The following LAMB4 variants were observed in gnomAD, a reference collection of about 807,000 sequenced individuals.
LAMB4 encodes laminin subunit beta 4.
LAMB4 carries 196 observed loss-of-function variants against 199.2 expected under a neutral mutation model. That is an observed-to-expected ratio of 0.98 (90% confidence interval 0.88 to 1.11). LAMB4 has a LOEUF of 1.11. Among genes scored for constraint, LAMB4 ranks in the 50% least tolerant of loss-of-function variants. The probability of loss-of-function intolerance (pLI) is 0.00; values close to 1 mark genes in which losing one functional copy is unlikely to be tolerated. For missense variants in LAMB4, 2,080 were observed against 2,171.2 expected, an observed-to-expected ratio of 0.96 and a Z score of 0.83; for synonymous variants, 744 against 770.6, an observed-to-expected ratio of 0.97 and a Z score of 0.57.
At chr7:108,042,619 G>A (rs1316145968) in intron 29 of LAMB4, among the ~76,000 whole-genome samples, 4 of 151,924 alleles carry the variant, frequency 2.6e-5, no homozygotes, top group African/African-American at 9.7e-5. Context: ...TACCCCATTC[G>A]TTTTTACTGA....
rs768569877 is a variant in LAMB4, at chr7:108,052,119, A to G, written c.3894T>C (p.Ser1298=). 6.2e-7 allele frequency: 1 copy of G among 1,610,766 alleles called. No homozygotes were observed. The highest frequency in any genetic ancestry group is 2.2e-5 in the East Asian group (1 of 44,830). Residue 1298 remains serine, a synonymous_variant, in exon 26 of 34, where the codon AGT becomes AGC. Coordinates refer to ENST00000388781, the MANE Select transcript of LAMB4 (RefSeq NM_007356.3). The part of the protein sequence containing the change: ...DLQEEIDLQS[S]VLNASIADSS... The stretch of plus-strand genomic sequence containing the variant: ...TACCCGCAATGCTTGCATTAAGGAC[A>G]CTGGATTGCAAATCAATTTCTTCCT...
chr7:108,018,024 T>C, the LAMB4 span, among the ~76,000 whole-genome samples: 11 of 152,214 alleles, frequency 7.2e-5, no homozygotes, highest in Admixed American at 2.0e-4. Context: ...ACTGTGCCCA[T>C]GCAGCAGGGC....
At chr7:108,028,607 G>A (rs1283697886) in intron 33 of LAMB4, among the ~76,000 whole-genome samples, 1 of 150,964 alleles carries the variant, frequency 6.6e-6, no homozygotes, top group Non-Finnish European at 1.5e-5. Context: ...CTCCCAAGTA[G>A]CTGGGATTAC....
downstream of LAMB4, among the ~76,000 whole-genome samples, chr7:108,018,911 C>G (rs1034962331): frequency 6.6e-6 from 1 of 152,140 alleles, no homozygotes; most frequent in African/African-American, 2.4e-5. Context: ...AGGTGTGTCC[C>G]GTGTTTCCTG....
At chr7:108,099,613 T>C (rs1037800799) in intron 10 of LAMB4, among the ~76,000 whole-genome samples, 3 of 152,252 alleles carry the variant, frequency 2.0e-5, no homozygotes, top group African/African-American at 7.2e-5. Context: ...TTTGTGGTTC[T>C]GTGTTTCCAT....
intron 30 of LAMB4, 87 bp downstream of exon 30, chr7:108,037,301 C>T (rs2035263685): frequency 2.9e-6 from 3 of 1,022,136 alleles, no homozygotes; most frequent in Non-Finnish European, 4.5e-6. Flanking sequence ...CATTTGAATG[C>T]TATAGATCCC....
chr7:108,070,376 G>A (rs1170436733), intron 17 of LAMB4, among the ~76,000 whole-genome samples: 1 of 152,140 alleles, frequency 6.6e-6, no homozygotes, highest in African/African-American at 2.4e-5. Flanking sequence ...ACACCCAGCT[G>A]GTGGCATCAC....
downstream of LAMB4, among the ~76,000 whole-genome samples, chr7:108,020,807 G>C (rs1194322061): frequency 6.6e-6 from 1 of 152,160 alleles, no homozygotes; most frequent in Non-Finnish European, 1.5e-5. Flanking sequence ...GTTTTTACTC[G>C]ATAATATAAT....
chr7:108,129,440 A>G (rs2038905644), intron 1 of LAMB4, among the ~76,000 whole-genome samples: 1 of 151,968 alleles, frequency 6.6e-6, no homozygotes, highest in Non-Finnish European at 1.5e-5. Flanking sequence ...CCTTTGTCTA[A>G]CTTTTTTTCA....
chr7:108,062,571 C>A (rs896685800), intron 23 of LAMB4: 2 of 365,006 alleles, frequency 5.5e-6, no homozygotes, highest in Non-Finnish European at 9.7e-6. Context: ...CTGAAGTAGG[C>A]GAAGCTGAAC....
At chr7:108,127,828 G>A (rs1197267193) in intron 1 of LAMB4, among the ~76,000 whole-genome samples, 2 of 152,184 alleles carry the variant, frequency 1.3e-5, no homozygotes, top group African/African-American at 4.8e-5. Flanking sequence ...TCGTGTTGGG[G>A]TGAGTACAGG....
intron 14 of LAMB4, among the ~76,000 whole-genome samples, chr7:108,088,600 A>G (rs2037278738): frequency 6.6e-6 from 1 of 152,216 alleles, no homozygotes; most frequent in Admixed American, 6.5e-5. Context: ...TGCAGTTAGA[A>G]TGTTGAAACA....
At chr7:108,030,146 ATC>A (rs1023412891) in intron 32 of LAMB4, among the ~76,000 whole-genome samples, 9 of 152,058 alleles carry the variant, frequency 5.9e-5, no homozygotes, top group African/African-American at 2.2e-4. Flanking sequence ...ACTTTTCTCA[ATC>A]TCTGTTCCAC....
Position 108,047,968 on chromosome 7 carries a change from G to A in LAMB4, c.4266C>T (p.Ala1422=), listed in dbSNP as rs1264935889. 4 of 1,613,948 alleles carry A rather than the reference G, an allele frequency of 2.5e-6. No homozygotes were observed. The highest frequency in any genetic ancestry group is 3.4e-6 in the Non-Finnish European group (4 of 1,180,030). The part of the protein sequence containing the change: ...LTLSTNALQK[A]QEAKSIIRNL... Reference sequence around the variant, plus strand: ...TACGAATAATGGATTTTGCTTCCTGGGCTTTTTGGAGGGCATTCGTTGAGA... The same window carrying A: ...TACGAATAATGGATTTTGCTTCCTGAGCTTTTTGGAGGGCATTCGTTGAGA... Residue 1422 remains alanine (A), a synonymous_variant, in exon 28 of 34, where the codon GCC becomes GCT. Transcript: ENST00000388781.
chr7:108,080,936 A>G (rs996386007), intron 14 of LAMB4, among the ~76,000 whole-genome samples: 5 of 152,114 alleles, frequency 3.3e-5, no homozygotes, highest in Non-Finnish European at 7.4e-5. Flanking sequence ...AGCCTGGCCA[A>G]CATGGTGAAA....
Position 108,063,725 on chromosome 7 carries a change from C to G in LAMB4, c.3061+36G>C, listed in dbSNP as rs143352322. 4,646 of 1,539,180 alleles carry G rather than the reference C, an allele frequency of 3.0e-3. 10 individuals are homozygous for G. The highest frequency in any genetic ancestry group is 3.8e-3 in the Non-Finnish European group (4,237 of 1,112,234). ...AACACACTTATGAGCTGTCACTCAG[C>G]TGACACATTTCCCCCTGGGAGTTTT... is the stretch of plus-strand genomic sequence containing the variant. On this transcript the variant is annotated intron_variant, in intron 22 of 33. Transcript: ENST00000388781.
chr7:108,085,678 A>G (rs563939416), intron 14 of LAMB4, among the ~76,000 whole-genome samples: 17 of 152,082 alleles, frequency 1.1e-4, no homozygotes, highest in African/African-American at 2.4e-4. Context: ...CAGTGGCACA[A>G]TCTTGGCTCA....
intron 1 of LAMB4, among the ~76,000 whole-genome samples, chr7:108,128,751 T>G (rs1405694168): frequency 6.6e-6 from 1 of 152,204 alleles, no homozygotes; most frequent in East Asian, 1.9e-4. Context: ...AACTATAAGT[T>G]TAATTGGTAC....
chr7:108,096,521 G>C (rs1338319612), intron 11 of LAMB4, among the ~76,000 whole-genome samples: 4 of 152,014 alleles, frequency 2.6e-5, no homozygotes, highest in African/African-American at 7.3e-5. Flanking sequence ...GCAGAAGAGG[G>C]GTTTCTTTTG....
Sources: allele counts gnomAD v4.1 joint callset (sites outside exome capture counted in the v4.1 genomes callset), GRCh38; gene constraint gnomAD v4.1.1; transcripts MANE v1.5; gene names NCBI Gene and HGNC (gene_info 2026-07-23, HGNC 2026-07-21).